RALYL: variants seen among roughly 807,000 people sequenced by gnomAD.
RALYL encodes the protein RALY RNA binding protein like.
RALYL carries 29 observed loss-of-function variants against 35.1 expected under a neutral mutation model. That is an observed-to-expected ratio of 0.83 (90% CI 0.61 to 1.13). RALYL has a LOEUF of 1.13. Among genes scored for constraint, RALYL ranks in the 50% most tolerant of loss-of-function variants. The pLI is 0.00. For missense variants in RALYL, 359 were observed against 360.4 expected (o/e 1.00, Z 0.03); for synonymous variants, 120 against 127.6 (o/e 0.94, Z 0.40).
intron 2 of RALYL, among the ~76,000 whole-genome samples, chr8:84,748,823 A>T (rs1328228984): frequency 6.6e-6 from 1 of 152,134 alleles, no homozygotes; most frequent in Admixed American, 6.6e-5. Context: ...CCTAATGATT[A>T]TATTTTGATG....
intron 2 of RALYL, among the ~76,000 whole-genome samples, chr8:84,583,961 T>A (rs914295560): frequency 1.3e-5 from 2 of 152,288 alleles, no homozygotes; most frequent in East Asian, 3.9e-4. Flanking sequence ...TAAATTTTTT[T>A]ATTTTAATTT....
chr8:84,305,455 G>T (rs555897059), intron 1 of RALYL, among the ~76,000 whole-genome samples: 1 of 152,120 alleles, frequency 6.6e-6, no homozygotes, highest in Admixed American at 6.5e-5. Flanking sequence ...GAAAAATAAC[G>T]TATATAGAGG....
intron 4 of RALYL, among the ~76,000 whole-genome samples, chr8:84,829,959 C>T (rs1231023904): frequency 7.1e-6 from 1 of 141,718 alleles, no homozygotes; most frequent in Admixed American, 7.5e-5. Flanking sequence ...GGAAGCTCAT[C>T]TAAAGAAGCT....
At chr8:84,567,807 A>G (rs1332596668) in intron 2 of RALYL, among the ~76,000 whole-genome samples, 2 of 151,658 alleles carry the variant, frequency 1.3e-5, no homozygotes, top group Non-Finnish European at 2.9e-5. Flanking sequence ...AGGTTTAACT[A>G]ACTGAGATTC....
intron 1 of RALYL, among the ~76,000 whole-genome samples, chr8:84,274,282 A>T (rs559091110): frequency 1.2e-4 from 18 of 152,260 alleles, no homozygotes; most frequent in African/African-American, 4.1e-4. Flanking sequence ...ATATGTTTCT[A>T]ATGTATTTGA....
chr8:84,856,015 CAATATATATTCATGA>C (rs1488172652), intron 5 of RALYL, among the ~76,000 whole-genome samples: 1 of 152,076 alleles, frequency 6.6e-6, no homozygotes, highest in Non-Finnish European at 1.5e-5. Flanking sequence ...TTAGAGAGCA[CAATATATATTCATGA>C]ATATTGGAAA....
intron 1 of RALYL, among the ~76,000 whole-genome samples, chr8:84,482,135 A>G (rs1207597457): frequency 1.3e-5 from 2 of 152,102 alleles, no homozygotes; most frequent in African/African-American, 4.8e-5. Context: ...CACTTTTAGT[A>G]CTTAACAAAA....
At chr8:84,590,998 A>G (rs1813127564) in intron 2 of RALYL, among the ~76,000 whole-genome samples, 1 of 152,172 alleles carries the variant, frequency 6.6e-6, no homozygotes, top group South Asian at 2.1e-4. Context: ...TTTATAAGAT[A>G]AGTAACTGCA....
At chr8:84,676,328 C>T (rs1834187694) in intron 2 of RALYL, among the ~76,000 whole-genome samples, 1 of 152,138 alleles carries the variant, frequency 6.6e-6, no homozygotes, top group Non-Finnish European at 1.5e-5. Context: ...TGAGATTTTG[C>T]AGATGTCCAT....
At chr8:84,286,981 T>TA (rs575994120) in intron 1 of RALYL, among the ~76,000 whole-genome samples, 1 of 152,332 alleles carries the variant, frequency 6.6e-6, no homozygotes, top group South Asian at 2.1e-4. Flanking sequence ...ATGTTATCTT[T>TA]AGCTTTGATA....
intron 1 of RALYL, among the ~76,000 whole-genome samples, chr8:84,195,555 T>C (rs1396949161): frequency 6.6e-6 from 1 of 152,240 alleles, no homozygotes; most frequent in Non-Finnish European, 1.5e-5. Context: ...CATAAAGTTA[T>C]GACTATTAAG....
intron 2 of RALYL, among the ~76,000 whole-genome samples, chr8:84,565,961 T>A (rs1053719837): frequency 6.6e-6 from 1 of 151,682 alleles, no homozygotes; most frequent in African/African-American, 2.4e-5. Context: ...CAACTAAAGA[T>A]GAAATGAATT....
intron 1 of RALYL, among the ~76,000 whole-genome samples, chr8:84,481,265 C>T (rs184602822): frequency 1.3e-5 from 2 of 152,130 alleles, no homozygotes; most frequent in Admixed American, 1.3e-4. Context: ...GACTTTGCAT[C>T]CTGTAACATT....
intron 1 of RALYL, among the ~76,000 whole-genome samples, chr8:84,513,159 C>T (rs1021487639): frequency 3.3e-5 from 5 of 151,996 alleles, no homozygotes; most frequent in Non-Finnish European, 5.9e-5. Context: ...CATGAAATGT[C>T]GTCCATTTTT....
chr8:84,892,264 G>T (rs1245697169), intron 8 of RALYL, among the ~76,000 whole-genome samples: 1 of 152,180 alleles, frequency 6.6e-6, no homozygotes, highest in African/African-American at 2.4e-5. Flanking sequence ...GAAAGGAAAT[G>T]TTTAAGAGTA....
chr8:84,604,488 T>C (rs1281379416), intron 2 of RALYL, among the ~76,000 whole-genome samples: 1 of 152,132 alleles, frequency 6.6e-6, no homozygotes, highest in Non-Finnish European at 1.5e-5. Flanking sequence ...GCCAAAAACA[T>C]AGTCCCATCT....
At chr8:84,906,262 A>G (rs1361360871) in intron 8 of RALYL, among the ~76,000 whole-genome samples, 1 of 148,106 alleles carries the variant, frequency 6.8e-6, no homozygotes, top group Non-Finnish European at 1.5e-5. Flanking sequence ...CCAGTGTTTC[A>G]CAGGCACAGG....
chr8:84,542,484 G>A (rs1019017705), intron 2 of RALYL, among the ~76,000 whole-genome samples: 7 of 149,612 alleles, frequency 4.7e-5, no homozygotes, highest in Non-Finnish European at 1.0e-4. Context: ...CATGTATTGT[G>A]AGGGGGACCA....
rs1554546342 is a variant in RALYL, at chr8:84,722,617, T to TATATATATATATATATATATA, written c.257-51962_257-51961insATATATATATATATATATATA. Among the ~76,000 whole-genome samples the TATATATATATATATATATATA allele has an allele frequency of 3.1e-4, 30 of 97,358 alleles. 1 individual carries two copies. Among genetic ancestry groups the TATATATATATATATATATATA allele is most frequent in the African/African-American group, 5.2e-4 (10 of 19,234 alleles). 63.9% of individuals were successfully genotyped at this position (97,358 alleles called of 152,430 possible). On this transcript the variant is annotated intron_variant, in intron 2 of 8. Transcript: ENST00000521268. ...AGGTCAGTATATTCCTAGAGTGATT[T>TATATATATATATATATATATA]TATATATATATATATATATATATAT... is the stretch of plus-strand genomic sequence containing the variant.
Sources: allele counts gnomAD v4.1 joint callset (sites outside exome capture counted in the v4.1 genomes callset), GRCh38; gene constraint gnomAD v4.1.1; transcripts MANE v1.5; gene names NCBI Gene and HGNC (gene_info 2026-07-23, HGNC 2026-07-21).